Variants in FRMPD1 observed in about 807,000 individuals in gnomAD.
FRMPD1 encodes the protein FERM and PDZ domain-containing protein 1.
A neutral mutation model predicts 117.8 loss-of-function variants in FRMPD1; 76 were observed. That is an observed-to-expected ratio of 0.65 (90% CI 0.54 to 0.78). The LOEUF is 0.78. Ranked by LOEUF, FRMPD1 falls within the 30% of genes least tolerant of loss-of-function variation. The pLI, the probability that FRMPD1 is intolerant of heterozygous loss-of-function variation, is 0.00. For missense variants in FRMPD1, 1,786 were observed against 1,964.5 expected, an observed-to-expected ratio of 0.91 and a Z score of 1.72; for synonymous variants, 783 against 770.4, an observed-to-expected ratio of 1.02 and a Z score of -0.27.
chr9:37,739,336 A>G (rs1824275971), intron 14 of FRMPD1, among the ~76,000 whole-genome samples: 1 of 152,154 alleles, frequency 6.6e-6, no homozygotes, highest in African/African-American at 2.4e-5. Flanking sequence ...TCTTCCCCGT[A>G]AGCAGGGCAG....
At chr9:37,742,267 C>G (rs1382802711) in intron 15 of FRMPD1, among the ~76,000 whole-genome samples, 3 of 152,248 alleles carry the variant, frequency 2.0e-5, no homozygotes, top group African/African-American at 7.2e-5. Context: ...CATGCCCCAG[C>G]CTTGCCCTGC....
the FRMPD1 span, among the ~76,000 whole-genome samples, chr9:37,639,555 G>GTA: frequency 1.1e-4 from 17 of 152,266 alleles, no homozygotes; most frequent in South Asian, 1.5e-3. Flanking sequence ...AGAGCTTTTT[G>GTA]AAGGTCAGGA....
chr9:37,715,366 G>A lies in FRMPD1; in HGVS notation c.409-3703G>A, dbSNP rs923924095. ...TTGGGTTGCTTTCCAGGTAGACTCCGGAACCCACATTCCTTAGTGATATGC... is the reference window on the plus strand; with the variant it reads ...TTGGGTTGCTTTCCAGGTAGACTCCAGAACCCACATTCCTTAGTGATATGC... On this transcript the variant is annotated intron_variant, in intron 5 of 15. Coordinates refer to ENST00000377765, the MANE Select transcript of FRMPD1 (RefSeq NM_014907.3). Among the ~76,000 whole-genome samples the A allele has an allele frequency of 8.5e-5, 13 of 152,092 alleles. 1 individual carries two copies. The South Asian group carries it at 1.5e-3, about 17-fold the overall frequency.
the FRMPD1 span, among the ~76,000 whole-genome samples, chr9:37,638,641 G>A: frequency 6.6e-6 from 1 of 152,180 alleles, no homozygotes; most frequent in East Asian, 1.9e-4. Flanking sequence ...CCTCATGGGA[G>A]ATATTTTCTA....
chr9:37,701,465 G>A (rs1822526890), intron 2 of FRMPD1, among the ~76,000 whole-genome samples: 1 of 144,848 alleles, frequency 6.9e-6, no homozygotes, highest in South Asian at 2.2e-4. Flanking sequence ...GGATATGTTG[G>A]GGAAATTGTG....
intron 2 of FRMPD1, among the ~76,000 whole-genome samples, chr9:37,699,107 A>G (rs990854342): frequency 2.0e-5 from 3 of 151,972 alleles, no homozygotes; most frequent in Non-Finnish European, 1.5e-5. Flanking sequence ...CCTGACCTCA[A>G]GTGATCCACT....
At chr9:37,724,872 C>T (rs1028161943) in intron 7 of FRMPD1, among the ~76,000 whole-genome samples, 1 of 152,092 alleles carries the variant, frequency 6.6e-6, no homozygotes, top group Non-Finnish European at 1.5e-5. Flanking sequence ...CTTGATTGTC[C>T]AAGGCAGGAT....
chr9:37,730,257 G>C (rs912511468), intron 8 of FRMPD1, among the ~76,000 whole-genome samples: 2 of 152,168 alleles, frequency 1.3e-5, no homozygotes, highest in East Asian at 1.9e-4. Context: ...ACTTACCCCC[G>C]ATATGGTTCC....
intron 10 of FRMPD1, among the ~76,000 whole-genome samples, chr9:37,733,094 C>T (rs1384438983): frequency 6.6e-6 from 1 of 152,194 alleles, no homozygotes; most frequent in African/African-American, 2.4e-5. Context: ...CATGCTGAAG[C>T]TTAGCCTAGG....
chr9:37,673,747 A>G (rs1410544296), intron 1 of FRMPD1, among the ~76,000 whole-genome samples: 1 of 152,230 alleles, frequency 6.6e-6, no homozygotes, highest in Non-Finnish European at 1.5e-5. Flanking sequence ...TCTCAACACC[A>G]CGTGGAAGCT....
intron 1 of FRMPD1, among the ~76,000 whole-genome samples, chr9:37,675,009 A>G (rs895986116): frequency 2.0e-5 from 3 of 152,246 alleles, no homozygotes; most frequent in Non-Finnish European, 4.4e-5. Context: ...AGTTGTATAC[A>G]GGAAAGTGAC....
upstream of FRMPD1, among the ~76,000 whole-genome samples, chr9:37,650,607 T>C (rs1322342182): frequency 6.6e-6 from 1 of 152,318 alleles, no homozygotes; most frequent in East Asian, 1.9e-4. Flanking sequence ...GGAACTCTTC[T>C]GGGTTCCAGT....
intron 1 of FRMPD1, among the ~76,000 whole-genome samples, chr9:37,657,108 A>G (rs1447772667): frequency 6.6e-6 from 1 of 152,244 alleles, no homozygotes; most frequent in African/African-American, 2.4e-5. Context: ...TCTGGATGCA[A>G]CAGTGCATCA....
chr9:37,700,798 G>A (rs1162221982), intron 2 of FRMPD1, among the ~76,000 whole-genome samples: 3 of 152,168 alleles, frequency 2.0e-5, no homozygotes, highest in Non-Finnish European at 2.9e-5. Flanking sequence ...TGTAACTATA[G>A]GGCTTCTGTT....
chr9:37,739,674 A>G (rs1016181772), intron 14 of FRMPD1, among the ~76,000 whole-genome samples: 1 of 152,190 alleles, frequency 6.6e-6, no homozygotes, highest in Non-Finnish European at 1.5e-5. Flanking sequence ...GATCTGTTGT[A>G]TTTTTAAAAT....
Position 37,740,670 on chromosome 9 carries a change from C to T in FRMPD1, c.2142C>T (p.Ser714=), listed in dbSNP as rs935820222. 6.2e-7 allele frequency: 1 copy of T among 1,614,178 alleles called. No homozygotes were observed. The highest frequency in any genetic ancestry group is 1.7e-5 in the Admixed American group (1 of 60,030). ...ACTACAGCCTGTGTTCCAGTGTCTC[C>T]CCGGCCAGCTACCTGAGTGACAGTT... ...ADYYSLCSSV[S]PASYLSDSSE... The change falls in exon 15 of 16, where the codon TCC becomes TCT. Residue 714 remains serine (S), a synonymous_variant. Coordinates refer to ENST00000377765, the MANE Select transcript of FRMPD1 (RefSeq NM_014907.3). The surrounding 1 kb of genome is among the most constrained non-coding windows in gnomAD (Gnocchi z 4.2).
chr9:37,660,520 A>G (rs1820969934), intron 1 of FRMPD1, among the ~76,000 whole-genome samples: 2 of 152,200 alleles, frequency 1.3e-5, no homozygotes, highest in Admixed American at 6.5e-5. Context: ...TTCAGACTGC[A>G]CTGCTTAGAG....
the FRMPD1 span, among the ~76,000 whole-genome samples, chr9:37,626,553 A>G: frequency 2.1e-5 from 3 of 144,964 alleles, no homozygotes; most frequent in African/African-American, 5.1e-5. Context: ...TTGGGAGGCC[A>G]AGGCAGGCAG....
At chr9:37,649,512 C>T (rs929617746), upstream of FRMPD1, among the ~76,000 whole-genome samples, 2 of 152,104 alleles carry the variant, frequency 1.3e-5, no homozygotes, top group East Asian at 1.9e-4. Context: ...GGTGCAATTA[C>T]GTAGGAGGTC....
Sources: allele counts gnomAD v4.1 joint callset (sites outside exome capture counted in the v4.1 genomes callset), GRCh38; gene constraint gnomAD v4.1.1; non-coding constraint Gnocchi (gnomAD v3.1); transcripts MANE v1.5; gene names NCBI Gene and HGNC (gene_info 2026-07-23, HGNC 2026-07-21).